SGSM1: variants seen among roughly 807,000 people sequenced by gnomAD.
SGSM1 encodes the protein RUN and TBC1 domain containing 2.
Under a neutral mutation model 133.8 loss-of-function variants are expected in SGSM1, and 73 were observed. The observed-to-expected ratio is 0.55, with a 90% confidence interval of 0.45 to 0.66. SGSM1 has a LOEUF of 0.66. SGSM1 is among the 30% of genes least tolerant of loss of function. The probability of loss-of-function intolerance (pLI) is 0.00; values close to 1 mark genes in which losing one functional copy is unlikely to be tolerated. For missense variants in SGSM1, 1,213 were observed against 1,448.1 expected (o/e 0.84, Z 2.64); for synonymous variants, 563 against 573.0 (o/e 0.98, Z 0.25).
intron 24 of SGSM1, among the ~76,000 whole-genome samples, chr22:24,920,494 T>C (rs1933966245): frequency 6.6e-6 from 1 of 152,156 alleles, no homozygotes; most frequent in Non-Finnish European, 1.5e-5. Context: ...AGGCCTCGGA[T>C]TCTTCAGGGA....
chr22:24,857,856 T>A (rs188815274), intron 8 of SGSM1, among the ~76,000 whole-genome samples: 30 of 152,354 alleles, frequency 2.0e-4, no homozygotes, highest in African/African-American at 6.5e-4. Context: ...TTGTATAGCT[T>A]ACAGAACCAA....
At chr22:24,855,995 A>C in intron 8 of SGSM1, 1 of 515,826 alleles carries the variant, frequency 1.9e-6, no homozygotes. Context: ...ACATTCACCC[A>C]TCCACCCATC....
In SGSM1 at chr22:24,899,029, A is replaced by G. The variant is rs945995547; in HGVS notation, c.2610+470A>G. Among the ~76,000 whole-genome samples the G allele has an allele frequency of 4.0e-5, 6 of 149,030 alleles. No homozygotes were observed. In the East Asian group the frequency reaches 1.2e-3, roughly 29 times the overall value. Reference sequence around the variant, plus strand: ...ACAACAGAGCAAGATCTCAAAAAAAAAAAAAAAAAAAAAAAAAACGTGTAC... The same window carrying G: ...ACAACAGAGCAAGATCTCAAAAAAAGAAAAAAAAAAAAAAAAAACGTGTAC... On this transcript the variant is annotated intron_variant, in intron 19 of 24. Transcript: ENST00000400358.
At position 24,924,366 on chromosome 22, in the gene SGSM1, G is replaced by A. The variant is rs140365882; in HGVS notation, c.*92G>A. ...CTGGCTGGATGGGCACCCCGGGAGC[G>A]GGGTCCTGGTGTCTGTTCACAAGCG... On this transcript the variant is annotated 3_prime_UTR_variant, in exon 25 of 25. Coordinates refer to ENST00000400358, the MANE Select transcript of SGSM1 (RefSeq NM_001098497.3). The A allele has an allele frequency of 6.0e-4, 663 of 1,111,498 alleles. 3 individuals are homozygous for A. In the African/African-American group the frequency reaches 7.4e-3, roughly 12 times the overall value. 68.9% of individuals were successfully genotyped at this position (1,111,498 alleles called of 1,614,324 possible). A position where few individuals can be genotyped will look rare whatever the true frequency, so the allele number is the denominator to read the frequency against.
At chr22:24,907,911 CAAA>C (rs796505229) in intron 21 of SGSM1, among the ~76,000 whole-genome samples, 1 of 57,070 alleles carries the variant, frequency 1.8e-5, no homozygotes, top group Non-Finnish European at 3.4e-5. Flanking sequence ...GACGCCATCT[CAAA>C]AAAAAAAAAA....
At chr22:24,849,468 G>A (rs535300499) in intron 4 of SGSM1, among the ~76,000 whole-genome samples, 5 of 152,284 alleles carry the variant, frequency 3.3e-5, no homozygotes, top group African/African-American at 7.2e-5. Context: ...CAGGAGAATC[G>A]CTTGAACCCA....
intron 12 of SGSM1, among the ~76,000 whole-genome samples, chr22:24,871,627 G>T (rs1388559177): frequency 6.6e-6 from 1 of 152,172 alleles, no homozygotes; most frequent in Non-Finnish European, 1.5e-5. Context: ...TAAGCAACTA[G>T]TCCAGGATCA....
intron 9 of SGSM1, among the ~76,000 whole-genome samples, chr22:24,863,079 G>A (rs2147866227): frequency 6.6e-6 from 1 of 152,328 alleles, no homozygotes; most frequent in South Asian, 2.1e-4. Flanking sequence ...CCCCGCCCCA[G>A]CGCAGATAAT....
At chr22:24,902,567 T>C (rs1006025415) in intron 20 of SGSM1, among the ~76,000 whole-genome samples, 1 of 152,138 alleles carries the variant, frequency 6.6e-6, no homozygotes, top group African/African-American at 2.4e-5. Flanking sequence ...GCACTTGTAG[T>C]CCTGCATACT....
intron 2 of SGSM1, among the ~76,000 whole-genome samples, chr22:24,821,060 G>T (rs1015203039): frequency 6.6e-6 from 1 of 151,986 alleles, no homozygotes; most frequent in African/African-American, 2.4e-5. Flanking sequence ...TTTCTTGATG[G>T]AGTTTCACTC....
intron 2 of SGSM1, among the ~76,000 whole-genome samples, chr22:24,821,288 C>T (rs1377275558): frequency 2.0e-5 from 3 of 152,232 alleles, no homozygotes; most frequent in Non-Finnish European, 2.9e-5. Context: ...CCACCCTCCT[C>T]GGCCTCCCAA....
intron 2 of SGSM1, among the ~76,000 whole-genome samples, chr22:24,838,343 C>T (rs1285715749): frequency 6.6e-6 from 1 of 152,168 alleles, no homozygotes; most frequent in Non-Finnish European, 1.5e-5. Context: ...AAATCCATCT[C>T]CCTGACTGAC....
At chr22:24,911,267 A>T (rs1933607404) in intron 21 of SGSM1, among the ~76,000 whole-genome samples, 1 of 149,382 alleles carries the variant, frequency 6.7e-6, no homozygotes, top group South Asian at 2.1e-4. Flanking sequence ...AATACATAAT[A>T]AATGGGGAGC....
At chr22:24,918,865 G>A (rs1275030301) in intron 23 of SGSM1, among the ~76,000 whole-genome samples, 1 of 151,748 alleles carries the variant, frequency 6.6e-6, no homozygotes, top group East Asian at 1.9e-4. Flanking sequence ...CCGAGTAGCT[G>A]GGAGCTGGGA....
intron 24 of SGSM1, among the ~76,000 whole-genome samples, chr22:24,920,485 G>A (rs1933965661): frequency 6.6e-6 from 1 of 152,148 alleles, no homozygotes; most frequent in Admixed American, 6.5e-5. Context: ...CACGTCTCTA[G>A]GCCTCGGATT....
intron 23 of SGSM1, among the ~76,000 whole-genome samples, chr22:24,918,146 A>C (rs1473730302): frequency 6.6e-6 from 1 of 152,154 alleles, no homozygotes; most frequent in African/African-American, 2.4e-5. Flanking sequence ...ACATGACATA[A>C]AAGTGATGTA....
chr22:24,923,863 C>G (rs957250944), intron 24 of SGSM1, among the ~76,000 whole-genome samples: 2 of 152,162 alleles, frequency 1.3e-5, no homozygotes, highest in African/African-American at 4.8e-5. Flanking sequence ...CTCAGGTGAT[C>G]CACCTGCCTC....
chr22:24,871,561 C>T (rs1244399976), intron 12 of SGSM1, among the ~76,000 whole-genome samples: 28 of 152,156 alleles, frequency 1.8e-4, no homozygotes, highest in Admixed American at 1.6e-3. Flanking sequence ...TTAGCCCTCC[C>T]AGGTTGTCAT....
chr22:24,895,425 ATTGTTTT>A lies in SGSM1; in HGVS notation c.2022+148_2022+154del, dbSNP rs1356960796. ...TTAGCTTTTTATATTAGCATTAAACATTGTTTTTTGTTTTTTGTTTAGTAATGCAAGA... is the reference window on the plus strand; with the variant it reads ...TTAGCTTTTTATATTAGCATTAAACATTGTTTTTTGTTTAGTAATGCAAGA... On this transcript the variant is annotated intron_variant, in intron 18 of 24. Coordinates refer to ENST00000400358, the MANE Select transcript of SGSM1 (RefSeq NM_001098497.3). The A allele has an allele frequency of 1.2e-5, 11 of 940,400 alleles. No individual in the cohort carries two copies. In the East Asian group the frequency reaches 1.6e-4, roughly 14 times the overall value. The allele number at this position is 940,400 out of a possible 1,614,324, so 58.3% of individuals were successfully genotyped here.
Sources: allele counts gnomAD v4.1 joint callset (sites outside exome capture counted in the v4.1 genomes callset), GRCh38; gene constraint gnomAD v4.1.1; transcripts MANE v1.5; gene names NCBI Gene and HGNC (gene_info 2026-07-23, HGNC 2026-07-21).